KAZN: variants seen among roughly 807,000 people sequenced by gnomAD.
KAZN encodes the protein kazrin.
A neutral mutation model predicts 87.4 loss-of-function variants in KAZN; 40 were observed. The observed-to-expected ratio is 0.46, with a 90% confidence interval of 0.36 to 0.60. The LOEUF is 0.60. KAZN is among the 20% of genes least tolerant of loss of function. The pLI, the probability that KAZN is intolerant of heterozygous loss-of-function variation, is 0.00. For missense variants in KAZN, 898 were observed against 1,073.9 expected (o/e 0.84, Z 2.29); for synonymous variants, 466 against 458.3 (o/e 1.02, Z -0.22).
intron 1 of KAZN, among the ~76,000 whole-genome samples, chr1:14,677,227 G>A (rs1419188019): frequency 2.6e-5 from 4 of 152,284 alleles, no homozygotes; most frequent in Non-Finnish European, 5.9e-5. Context: ...TGCCTGGACC[G>A]CAAAGCCTAG....
At chr1:14,474,090 G>A (rs984342826) in intron 2 of KAZN, among the ~76,000 whole-genome samples, 5 of 152,180 alleles carry the variant, frequency 3.3e-5, no homozygotes, top group African/African-American at 7.2e-5. Context: ...GACTATGTCT[G>A]TCTTGTTCTT....
At chr1:14,737,832 C>T (rs1643956234) in intron 1 of KAZN, among the ~76,000 whole-genome samples, 1 of 152,218 alleles carries the variant, frequency 6.6e-6, no homozygotes, top group East Asian at 1.9e-4. Context: ...GACACATGGG[C>T]CTCTCCATCA....
intron 2 of KAZN, among the ~76,000 whole-genome samples, chr1:14,587,648 G>A (rs746863988): frequency 1.1e-4 from 16 of 151,744 alleles, no homozygotes; most frequent in Non-Finnish European, 1.8e-4. Context: ...CCGTACTCCC[G>A]GAAACAACCA....
At position 14,949,240 on chromosome 1, in the gene KAZN, A is replaced by G. The variant is rs532231889; in HGVS notation, c.227-11444A>G. ...AAGCAACTGAATTGGGATTAAAGGG[A>G]AAAAAACATTCCTTTATTAAAACAA... On this transcript the variant is annotated intron_variant, in intron 1 of 14. Coordinates refer to ENST00000376030, the MANE Select transcript of KAZN (RefSeq NM_201628.3). The surrounding 1 kb of genome is among the most constrained non-coding windows in gnomAD (Gnocchi z 4.3). Among the ~76,000 whole-genome samples, 1 of 150,736 alleles carries G rather than the reference A, an allele frequency of 6.6e-6. No individual in the cohort carries two copies. The highest frequency in any genetic ancestry group is 1.9e-4 in the East Asian group (1 of 5,178).
chr1:14,059,073 T>A (rs1362148824), intron 1 of KAZN, among the ~76,000 whole-genome samples: 1 of 152,252 alleles, frequency 6.6e-6, no homozygotes, highest in Non-Finnish European at 1.5e-5. Context: ...GTCGAGGGAC[T>A]GTGGGTGAAT....
Position 13,971,605 on chromosome 1 carries a change from TG to T in KAZN, c.91+77850del, listed in dbSNP as rs1156372168. ...TGAGTATCTTGTGAGGTTTTTTTTT[TG>T]TTGTTGTTGTTGTTGTTGTATCTGG... On this transcript the variant is annotated intron_variant, in intron 1 of 16. Coordinates refer to the KAZN transcript ENST00000636203. Among the ~76,000 whole-genome samples the T allele has an allele frequency of 2.4e-3, 319 of 130,872 alleles. 2 individuals carry two copies. Among genetic ancestry groups the T allele is most frequent in the African/African-American group, 7.6e-3 (295 of 38,738 alleles). 85.9% of individuals were successfully genotyped at this position (130,872 alleles called of 152,430 possible).
intron 1 of KAZN, among the ~76,000 whole-genome samples, chr1:13,935,468 C>T (rs1257715203): frequency 2.0e-5 from 3 of 152,168 alleles, no homozygotes; most frequent in Non-Finnish European, 4.4e-5. Context: ...GACTGCTGTG[C>T]TATGCTGCCA....
intron 2 of KAZN, among the ~76,000 whole-genome samples, chr1:14,466,599 C>T (rs547563200): frequency 6.2e-4 from 94 of 150,640 alleles, no homozygotes; most frequent in Middle Eastern, 3.4e-3. Flanking sequence ...CCATTGCATA[C>T]GATTACCTAT....
At chr1:13,992,044 T>C (rs1639307170) in intron 1 of KAZN, among the ~76,000 whole-genome samples, 1 of 152,172 alleles carries the variant, frequency 6.6e-6, no homozygotes, top group South Asian at 2.1e-4. Flanking sequence ...CCAGCTAACT[T>C]CTATTCATCC....
intron 2 of KAZN, among the ~76,000 whole-genome samples, chr1:14,197,094 G>A (rs1034135326): frequency 6.6e-6 from 1 of 152,064 alleles, no homozygotes. Context: ...AGCCCAGCTG[G>A]AATGAGTTCA....
intron 1 of KAZN, among the ~76,000 whole-genome samples, chr1:14,791,520 A>G (rs1343653096): frequency 1.3e-5 from 2 of 152,220 alleles, no homozygotes; most frequent in Non-Finnish European, 2.9e-5. Flanking sequence ...GCAAGCCCCC[A>G]GTCTCTGGTC....
intron 2 of KAZN, among the ~76,000 whole-genome samples, chr1:14,997,602 G>A (rs894091181): frequency 1.3e-5 from 2 of 152,096 alleles, no homozygotes; most frequent in African/African-American, 4.8e-5. Context: ...GCAGGGAGAC[G>A]GTGTCTGATG....
chr1:14,294,060 T>C (rs187513482), intron 2 of KAZN, among the ~76,000 whole-genome samples: 75 of 152,300 alleles, frequency 4.9e-4, no homozygotes, highest in African/African-American at 1.8e-3. Context: ...TTCTTACCAG[T>C]TTTATCCCCA....
chr1:14,597,572 C>T (rs185590102), upstream of KAZN, among the ~76,000 whole-genome samples: 1 of 152,106 alleles, frequency 6.6e-6, no homozygotes, highest in Non-Finnish European at 1.5e-5. Context: ...CATATAAAAG[C>T]ACTCTACACG....
chr1:15,103,567 T>A lies in KAZN; in HGVS notation c.1881+107T>A, dbSNP rs114607662. 3.0e-3 allele frequency: 2,291 copies of A among 763,612 alleles called. 44 individuals are homozygous for A. In the African/African-American group the frequency reaches 0.037, roughly 12 times the overall value. 47.3% of individuals were successfully genotyped at this position (763,612 alleles called of 1,614,324 possible). A position where few individuals can be genotyped will look rare whatever the true frequency, so the allele number is the denominator to read the frequency against. ...TCACATGCAAATCAATATGCAGATC[T>A]CATGCAAATCAATGGGCAAATCCCA... On this transcript the variant is annotated intron_variant, in intron 12 of 14. Coordinates refer to ENST00000376030, the MANE Select transcript of KAZN (RefSeq NM_201628.3).
chr1:14,544,350 C>CTTTCTTTTTTTTTTTTT (rs1553186409), intron 2 of KAZN, among the ~76,000 whole-genome samples: 1 of 98,122 alleles, frequency 1.0e-5, no homozygotes, highest in Non-Finnish European at 1.9e-5. Context: ...TTCTTTCTTT[C>CTTTCTTTTTTTTTTTTT]TTTTTTTTTT....
chr1:14,253,953 G>T (rs1650274966), intron 2 of KAZN, among the ~76,000 whole-genome samples: 1 of 113,450 alleles, frequency 8.8e-6, no homozygotes, highest in East Asian at 3.2e-4. Context: ...CTGTAATGGT[G>T]GTTGGGGCGG....
At chr1:14,092,682 A>G (rs1361465962) in intron 1 of KAZN, among the ~76,000 whole-genome samples, 1 of 151,488 alleles carries the variant, frequency 6.6e-6, no homozygotes, top group Non-Finnish European at 1.5e-5. Context: ...TTGAAAAAGG[A>G]ATTTCAGACA....
chr1:14,503,318 A>C (rs1193789518), intron 2 of KAZN, among the ~76,000 whole-genome samples: 1 of 150,780 alleles, frequency 6.6e-6, no homozygotes, highest in Non-Finnish European at 1.5e-5. Flanking sequence ...CCCCATCTCC[A>C]CTAAAAATAC....
Sources: gnomAD v4.1 joint callset for allele counts (sites outside exome capture counted in the v4.1 genomes callset) on GRCh38, gnomAD v4.1.1 for gene constraint, Gnocchi (gnomAD v3.1) non-coding constraint, MANE v1.5 for transcripts, NCBI Gene and HGNC (gene_info 2026-07-23, HGNC 2026-07-21) for gene names.